The following PCDH15 variants were observed in gnomAD, a reference collection of about 807,000 sequenced individuals.
The protein encoded by PCDH15 is protocadherin related 15.
Under a neutral mutation model 178.5 loss-of-function variants are expected in PCDH15, and 129 were observed. The ratio of observed to expected loss-of-function variants is 0.72; its 90% confidence interval spans 0.63 to 0.84. PCDH15 has a LOEUF of 0.84. PCDH15 is among the 40% of genes least tolerant of loss of function. The pLI is 0.00. For missense variants in PCDH15, 2,230 were observed against 2,099.9 expected (o/e 1.06, Z -1.21); for synonymous variants, 800 against 732.0 (o/e 1.09, Z -1.50).
At chr10:54,463,034 A>G (rs1189285989) in intron 3 of PCDH15, among the ~76,000 whole-genome samples, 1 of 152,142 alleles carries the variant, frequency 6.6e-6, no homozygotes, top group Non-Finnish European at 1.5e-5. Context: ...GTATTAACGT[A>G]AAAACTTTTA....
chr10:55,082,318 A>G (rs1004955759), intron 2 of PCDH15, among the ~76,000 whole-genome samples: 3 of 152,076 alleles, frequency 2.0e-5, no homozygotes, highest in African/African-American at 4.8e-5. Context: ...CCAAAGGATC[A>G]GTGAGTCCAT....
At chr10:54,685,361 C>T (rs767659062) in intron 1 of PCDH15, among the ~76,000 whole-genome samples, 9 of 152,090 alleles carry the variant, frequency 5.9e-5, no homozygotes, top group Non-Finnish European at 1.2e-4. Flanking sequence ...CATTTGCTAT[C>T]GTTTTCAAGT....
At chr10:53,827,643 G>A in intron 31 of PCDH15, 95 bp from the exon 32 acceptor site, 1 of 1,406,894 alleles carries the variant, frequency 7.1e-7, no homozygotes, top group Non-Finnish European at 9.9e-7. Context: ...AGTTATCAGG[G>A]GAACCCACTA....
intron 2 of PCDH15, among the ~76,000 whole-genome samples, chr10:55,161,924 G>A (rs1839076818): frequency 6.6e-6 from 1 of 152,002 alleles, no homozygotes; most frequent in Admixed American, 6.6e-5. Context: ...AATTTTCTAG[G>A]ACACAATTAA....
intron 2 of PCDH15, among the ~76,000 whole-genome samples, chr10:54,944,444 A>T (rs1838140534): frequency 6.6e-6 from 1 of 151,948 alleles, no homozygotes; most frequent in African/African-American, 2.4e-5. Context: ...ATGGTTGAGA[A>T]GCGCAAGATT....
At chr10:53,957,209 G>A (rs528820024) in intron 23 of PCDH15, among the ~76,000 whole-genome samples, 55 of 152,224 alleles carry the variant, frequency 3.6e-4, no homozygotes, top group Middle Eastern at 3.4e-3. Context: ...TTGCCGCAAG[G>A]GGCTTTGAAG....
At chr10:53,839,684 TTTTAAGTA>T (rs2077524532) in intron 29 of PCDH15, among the ~76,000 whole-genome samples, 1 of 152,108 alleles carries the variant, frequency 6.6e-6, no homozygotes, top group South Asian at 2.1e-4. Context: ...ATTTTTTTTT[TTTTAAGTA>T]TTTAAGTGTG....
intron 3 of PCDH15, among the ~76,000 whole-genome samples, chr10:54,815,239 A>C (rs1200888206): frequency 6.6e-6 from 1 of 152,102 alleles, no homozygotes; most frequent in Non-Finnish European, 1.5e-5. Flanking sequence ...GCATGAATAC[A>C]TAAAATATAT....
At chr10:54,703,737 C>T (rs186292960) in intron 1 of PCDH15, among the ~76,000 whole-genome samples, 68 of 151,882 alleles carry the variant, frequency 4.5e-4, no homozygotes, top group African/African-American at 1.3e-3. Context: ...AATAACATAA[C>T]GGGAAAAACA....
At chr10:54,202,037 CA>C (rs1423976797) in intron 10 of PCDH15, among the ~76,000 whole-genome samples, 1 of 151,918 alleles carries the variant, frequency 6.6e-6, no homozygotes, top group Non-Finnish European at 1.5e-5. Flanking sequence ...AATATTTATG[CA>C]AAAAGGCCTA....
At chr10:54,660,260 A>C (rs189958064) in intron 2 of PCDH15, among the ~76,000 whole-genome samples, 1 of 152,260 alleles carries the variant, frequency 6.6e-6, no homozygotes, top group East Asian at 1.9e-4. Flanking sequence ...ATTACAACCG[A>C]TACCACAGAA....
chr10:54,439,102 T>C (rs975305622), intron 3 of PCDH15, among the ~76,000 whole-genome samples: 2 of 149,286 alleles, frequency 1.3e-5, no homozygotes, highest in Admixed American at 6.7e-5. Context: ...ATCCATTCTA[T>C]ATATGTATAA....
intron 20 of PCDH15, among the ~76,000 whole-genome samples, 186 bp from the exon 21 acceptor site, chr10:53,995,951 A>T (rs1186320545): frequency 6.6e-6 from 1 of 152,094 alleles, no homozygotes; most frequent in Admixed American, 6.6e-5. Context: ...CTCATACAAT[A>T]TTAATGTGTG....
At chr10:54,295,597 C>A (rs2059702300) in intron 8 of PCDH15, among the ~76,000 whole-genome samples, 1 of 152,156 alleles carries the variant, frequency 6.6e-6, no homozygotes, top group South Asian at 2.1e-4. Flanking sequence ...CTGGACGTAT[C>A]TGAACATCCA....
intron 2 of PCDH15, among the ~76,000 whole-genome samples, chr10:55,059,307 T>C (rs1050501067): frequency 1.3e-5 from 2 of 152,214 alleles, no homozygotes; most frequent in African/African-American, 2.4e-5. Context: ...ATATATTTTA[T>C]GCCCACTTTA....
At chr10:55,444,478 T>C (rs1368527148) in intron 2 of PCDH15, among the ~76,000 whole-genome samples, 1 of 151,990 alleles carries the variant, frequency 6.6e-6, no homozygotes, top group Non-Finnish European at 1.5e-5. Context: ...AATTGGAAAA[T>C]AAATCAGGAA....
rs552203564 is a variant in PCDH15 at position 55,283,873 on chromosome 10, T to C, written c.-156+35726A>G. On this transcript the variant is annotated intron_variant, in intron 1 of 5. Coordinates refer to the PCDH15 transcript ENST00000458638. Reference sequence around the variant, plus strand: ...AGAAGAACAACTCATAGAAATACTTTTTAAAATTAAAAAGTTGTTATAGCT... The same window carrying C: ...AGAAGAACAACTCATAGAAATACTTCTTAAAATTAAAAAGTTGTTATAGCT... Among the ~76,000 whole-genome samples, 5 of 152,170 alleles carry C rather than the reference T, an allele frequency of 3.3e-5. No individual in the cohort carries two copies. In the East Asian group the frequency reaches 9.7e-4, roughly 29 times the overall value.
chr10:55,290,716 T>A (rs1842986558), intron 1 of PCDH15, among the ~76,000 whole-genome samples: 1 of 152,122 alleles, frequency 6.6e-6, no homozygotes. Flanking sequence ...TTTTGTTTCT[T>A]ATTTTTTAGG....
chr10:54,618,080 C>T (rs560776265), intron 2 of PCDH15, among the ~76,000 whole-genome samples: 208 of 152,172 alleles, frequency 1.4e-3, no homozygotes, highest in Non-Finnish European at 2.3e-3. Flanking sequence ...AATTCTACTT[C>T]CCATTTAGCA....
Sources: gnomAD v4.1 joint callset for allele counts (sites outside exome capture counted in the v4.1 genomes callset) on GRCh38, gnomAD v4.1.1 for gene constraint, MANE v1.5 for transcripts, NCBI Gene and HGNC (gene_info 2026-07-23, HGNC 2026-07-21) for gene names.